AOPEP: variants seen among roughly 807,000 people sequenced by gnomAD.
AOPEP encodes the protein aminopeptidase O (putative), also known as aminopeptidase O.
In AOPEP, 77 loss-of-function variants were observed where a neutral mutation model predicts 98.1. The ratio of observed to expected loss-of-function variants is 0.78; its 90% CI spans 0.65 to 0.95. The LOEUF (loss-of-function observed/expected upper bound fraction) is 0.95. AOPEP is among the 40% of genes least tolerant of loss of function. The probability of loss-of-function intolerance (pLI) is 0.00; values close to 1 mark genes in which losing one functional copy is unlikely to be tolerated. For missense variants in AOPEP, 1,024 were observed against 1,024.7 expected, an observed-to-expected ratio of 1.00 and a Z score of 0.01; for synonymous variants, 346 against 365.3, an observed-to-expected ratio of 0.95 and a Z score of 0.60.
intron 7 of AOPEP, among the ~76,000 whole-genome samples, chr9:94,943,947 A>C (rs913041628): frequency 1.5e-4 from 23 of 150,164 alleles, no homozygotes; most frequent in Admixed American, 6.0e-4. Context: ...AAAAAAAAAA[A>C]CAGGTCAATC....
intron 13 of AOPEP, among the ~76,000 whole-genome samples, chr9:95,014,921 T>TA (rs2062856196): frequency 6.6e-6 from 1 of 152,202 alleles, no homozygotes; most frequent in African/African-American, 2.4e-5. Flanking sequence ...GTCCCCCACG[T>TA]AAGAGGCTGC....
At chr9:94,851,131 A>G (rs1325607070) in intron 5 of AOPEP, among the ~76,000 whole-genome samples, 1 of 152,210 alleles carries the variant, frequency 6.6e-6, no homozygotes, top group African/African-American at 2.4e-5. Flanking sequence ...ATTCTGTGAG[A>G]GGAAAAGACC....
At chr9:94,955,615 G>A (rs142369259) in intron 8 of AOPEP, among the ~76,000 whole-genome samples, 2 of 152,250 alleles carry the variant, frequency 1.3e-5, no homozygotes, top group African/African-American at 4.8e-5. Context: ...TTCCTGGTAG[G>A]GGGAGTAGAG....
rs940533453 is a variant in AOPEP, at chr9:94,766,493, C to G, written c.797+5913C>G. Among the ~76,000 whole-genome samples the G allele has an allele frequency of 2.6e-5, 4 of 152,236 alleles. No individual in the cohort carries two copies. In the East Asian group the frequency reaches 5.8e-4, roughly 22 times the overall value. On this transcript the variant is annotated intron_variant, in intron 2 of 16. Coordinates refer to ENST00000375315, the MANE Select transcript of AOPEP (RefSeq NM_001193329.3). ...CGGAGCTTGCAGTGAGCTGAGATCG[C>G]GCCACTGCACTCCAGCCTGGGCGAC... is the stretch of plus-strand genomic sequence containing the variant.
chr9:94,780,632 C>T (rs1325105380), intron 3 of AOPEP, among the ~76,000 whole-genome samples: 1 of 152,184 alleles, frequency 6.6e-6, no homozygotes, highest in Non-Finnish European at 1.5e-5. Flanking sequence ...GGAATAATGT[C>T]TACAAATGTA....
chr9:94,799,584 C>T (rs1410864994), intron 4 of AOPEP, among the ~76,000 whole-genome samples: 2 of 151,820 alleles, frequency 1.3e-5, no homozygotes. Flanking sequence ...AATAATAGGC[C>T]GGTTGCGGTG....
intron 5 of AOPEP, among the ~76,000 whole-genome samples, chr9:94,872,210 C>T (rs1296656373): frequency 3.9e-5 from 6 of 152,082 alleles, no homozygotes; most frequent in Non-Finnish European, 8.8e-5. Context: ...TAAAATGGAT[C>T]GATGGCAGGG....
intron 14 of AOPEP, among the ~76,000 whole-genome samples, chr9:95,064,151 G>A (rs985279547): frequency 1.3e-5 from 2 of 152,196 alleles, no homozygotes; most frequent in African/African-American, 4.8e-5. Flanking sequence ...GCACTCATCC[G>A]GCTGCCTTCC....
At chr9:95,125,724 T>C in the AOPEP span, among the ~76,000 whole-genome samples, 1 of 152,224 alleles carries the variant, frequency 6.6e-6, no homozygotes, top group Non-Finnish European at 1.5e-5. Context: ...TTCTGACTAC[T>C]GGTGAGTTAT....
At chr9:94,800,722 A>G (rs1848033817) in intron 4 of AOPEP, 35 bp from the exon 5 acceptor site, 5 of 1,609,236 alleles carry the variant, frequency 3.1e-6, no homozygotes, top group Admixed American at 1.7e-5. Flanking sequence ...AAGAATAATA[A>G]ACATGTTTTA....
At chr9:95,079,915 G>C (rs1291621055) in intron 14 of AOPEP, among the ~76,000 whole-genome samples, 5 of 152,138 alleles carry the variant, frequency 3.3e-5, no homozygotes, top group Admixed American at 6.5e-5. Flanking sequence ...CTCTCAGAAG[G>C]GTGCTTTGCC....
intron 13 of AOPEP, among the ~76,000 whole-genome samples, chr9:95,050,633 C>T (rs113063843): frequency 6.6e-6 from 1 of 152,206 alleles, no homozygotes; most frequent in African/African-American, 2.4e-5. Flanking sequence ...CCACCTCCCC[C>T]CTGCTCCTTA....
chr9:94,728,018 A>C (rs1219018171), intron 1 of AOPEP, among the ~76,000 whole-genome samples: 1 of 152,262 alleles, frequency 6.6e-6, no homozygotes, highest in Non-Finnish European at 1.5e-5. Context: ...ATTTAAATTC[A>C]GGTCTGAATA....
chr9:94,855,985 ATACG>A, intron 5 of AOPEP, among the ~76,000 whole-genome samples: 1 of 152,216 alleles, frequency 6.6e-6, no homozygotes, highest in Non-Finnish European at 1.5e-5. Flanking sequence ...AATGGGACTT[ATACG>A]TAGGTTTCTT....
rs1278355320 is a variant in AOPEP at position 94,839,417 on chromosome 9, G to T, written c.1364+38415G>T. Reference sequence around the variant, plus strand: ...TTTTTGTATTCTTACTAGAGATGGGGTTTCACTATGTTGGCCAGGATGGTC... The same window carrying T: ...TTTTTGTATTCTTACTAGAGATGGGTTTTCACTATGTTGGCCAGGATGGTC... On this transcript the variant is annotated intron_variant, in intron 5 of 16. Transcript: ENST00000375315. Among the ~76,000 whole-genome samples the T allele has an allele frequency of 6.6e-5, 10 of 152,004 alleles. No homozygotes were observed. In the East Asian group the frequency reaches 1.5e-3, roughly 24 times the overall value.
At chr9:94,761,637 C>T (rs1838321708) in intron 2 of AOPEP, among the ~76,000 whole-genome samples, 1 of 152,188 alleles carries the variant, frequency 6.6e-6, no homozygotes, top group Non-Finnish European at 1.5e-5. Context: ...ACTTTGAGCT[C>T]TAATTATTCA....
chr9:94,902,112 A>G (rs1299009977), intron 5 of AOPEP, among the ~76,000 whole-genome samples: 2 of 152,132 alleles, frequency 1.3e-5, no homozygotes, highest in East Asian at 1.9e-4. Context: ...CAAGAACTCT[A>G]AGTTGACTTG....
At chr9:95,101,971 G>T in the AOPEP span, 1 of 1,149,002 alleles carries the variant, frequency 8.7e-7, no homozygotes, top group Non-Finnish European at 1.3e-6. Flanking sequence ...ATTTCCATCA[G>T]TTCCAAAGTA....
At chr9:94,880,643 A>G (rs2047473559) in intron 5 of AOPEP, among the ~76,000 whole-genome samples, 1 of 152,206 alleles carries the variant, frequency 6.6e-6, no homozygotes, top group Non-Finnish European at 1.5e-5. Context: ...GGCATGAGCC[A>G]TCGCACCTGG....
Sources: gnomAD v4.1 joint callset for allele counts (sites outside exome capture counted in the v4.1 genomes callset) on GRCh38, gnomAD v4.1.1 for gene constraint, MANE v1.5 for transcripts, NCBI Gene and HGNC (gene_info 2026-07-23, HGNC 2026-07-21) for gene names.